Variants in CFAP299 observed in about 807,000 individuals in gnomAD.
CFAP299 encodes the protein cilia and flagella associated protein 299.
A neutral mutation model predicts 27.0 loss-of-function variants in CFAP299; 21 were observed. That is an observed-to-expected ratio of 0.78 (90% CI 0.55 to 1.12). CFAP299 has a LOEUF of 1.12. CFAP299 is among the 50% of genes most tolerant of loss of function. CFAP299 has a pLI of 0.00. For synonymous variants in CFAP299, 104 were observed against 98.1 expected, an observed-to-expected ratio of 1.06 and a Z score of -0.36; for missense variants, 310 against 276.6, an observed-to-expected ratio of 1.12 and a Z score of -0.86.
chr4:80,879,640 A>C (rs1476800956), intron 4 of CFAP299, among the ~76,000 whole-genome samples: 1 of 152,086 alleles, frequency 6.6e-6, no homozygotes, highest in East Asian at 1.9e-4. Flanking sequence ...ATTTTTATTT[A>C]TTTTTTACAT....
At chr4:80,817,373 T>C in intron 3 of CFAP299, among the ~76,000 whole-genome samples, 1 of 152,216 alleles carries the variant, frequency 6.6e-6, no homozygotes, top group Middle Eastern at 3.5e-3. Context: ...TGTATTAATA[T>C]TAACATATGA....
intron 2 of CFAP299, among the ~76,000 whole-genome samples, chr4:80,460,687 A>AT (rs1729393412): frequency 6.6e-6 from 1 of 152,154 alleles, no homozygotes; most frequent in South Asian, 2.1e-4. Context: ...AGCTAGTGTT[A>AT]TTGTAACCAA....
chr4:80,488,870 CA>C (rs1336099462), intron 2 of CFAP299, among the ~76,000 whole-genome samples: 2 of 151,452 alleles, frequency 1.3e-5, no homozygotes, highest in East Asian at 3.9e-4. Context: ...AGTTGGATGG[CA>C]AAAAAAACGT....
intron 3 of CFAP299, among the ~76,000 whole-genome samples, chr4:80,851,172 G>T (rs1468042277): frequency 6.6e-6 from 1 of 152,146 alleles, no homozygotes; most frequent in African/African-American, 2.4e-5. Context: ...AGTGGTAGTT[G>T]AAGTCACTGT....
intron 3 of CFAP299, among the ~76,000 whole-genome samples, chr4:80,621,163 A>T (rs1738584325): frequency 6.6e-6 from 1 of 151,832 alleles, no homozygotes; most frequent in African/African-American, 2.4e-5. Context: ...TTTTGGGGGG[A>T]TTCAGTTATA....
intron 2 of CFAP299, among the ~76,000 whole-genome samples, chr4:80,467,954 A>G (rs1050110002): frequency 2.0e-5 from 3 of 152,194 alleles, no homozygotes; most frequent in African/African-American, 7.2e-5. Flanking sequence ...AGGGAAAACT[A>G]TCCCCATAAT....
intron 3 of CFAP299, among the ~76,000 whole-genome samples, chr4:80,721,470 T>A (rs759181541): frequency 2.0e-5 from 3 of 152,190 alleles, no homozygotes; most frequent in Admixed American, 1.3e-4. Flanking sequence ...GCTTTGTGTG[T>A]CCTCATTTCC....
At chr4:80,428,242 T>C (rs926961336) in intron 2 of CFAP299, among the ~76,000 whole-genome samples, 51 of 152,194 alleles carry the variant, frequency 3.4e-4, no homozygotes, top group Non-Finnish European at 6.8e-4. Context: ...TGTCCTTTTG[T>C]TTCTAGTTTA....
chr4:80,418,755 AC>A (rs1485794970), intron 2 of CFAP299, among the ~76,000 whole-genome samples: 1 of 152,156 alleles, frequency 6.6e-6, no homozygotes, highest in East Asian at 1.9e-4. Flanking sequence ...ATTTGTCCGT[AC>A]GTATTGGGCT....
At chr4:80,542,854 C>A (rs1009244348) in intron 2 of CFAP299, among the ~76,000 whole-genome samples, 1 of 152,044 alleles carries the variant, frequency 6.6e-6, no homozygotes, top group Non-Finnish European at 1.5e-5. Context: ...GCATATTTGC[C>A]TATGGTGCCC....
At chr4:80,426,450 A>T (rs990367498) in intron 2 of CFAP299, among the ~76,000 whole-genome samples, 1 of 152,238 alleles carries the variant, frequency 6.6e-6, no homozygotes, top group African/African-American at 2.4e-5. Context: ...AGAAAAAAGT[A>T]AATCTACAAG....
At chr4:80,329,342 G>T in the CFAP299 span, among the ~76,000 whole-genome samples, 1 of 151,534 alleles carries the variant, frequency 6.6e-6, no homozygotes, top group African/African-American at 2.4e-5. Context: ...TACCAGTTCA[G>T]GTCCTCCTTC....
chr4:80,725,531 A>G (rs1723107541), intron 3 of CFAP299, among the ~76,000 whole-genome samples: 1 of 152,146 alleles, frequency 6.6e-6, no homozygotes, highest in South Asian at 2.1e-4. Context: ...GAATCTCACC[A>G]TGGGGGTATT....
chr4:80,634,834 G>GT (rs1739403756), intron 3 of CFAP299, among the ~76,000 whole-genome samples: 2 of 151,964 alleles, frequency 1.3e-5, no homozygotes, highest in East Asian at 1.9e-4. Context: ...AATTGAAGTC[G>GT]TATTAACTTT....
At chr4:80,488,253 G>A (rs1341656723) in intron 2 of CFAP299, among the ~76,000 whole-genome samples, 1 of 152,144 alleles carries the variant, frequency 6.6e-6, no homozygotes, top group African/African-American at 2.4e-5. Flanking sequence ...AGAATGGGGT[G>A]TGGAGGAATC....
At chr4:80,343,392 C>T (rs1289424829) in intron 1 of CFAP299, among the ~76,000 whole-genome samples, 1 of 152,212 alleles carries the variant, frequency 6.6e-6, no homozygotes, top group Non-Finnish European at 1.5e-5. Context: ...TGTCACATGG[C>T]ACTTACCCTA....
At chr4:80,821,891 AAC>A (rs3038531) in intron 3 of CFAP299, among the ~76,000 whole-genome samples, 146 of 148,318 alleles carry the variant, frequency 9.8e-4, no homozygotes, top group Admixed American at 1.7e-3. Context: ...CTCAGTACAC[AAC>A]ACACACACAC....
intron 3 of CFAP299, among the ~76,000 whole-genome samples, chr4:80,745,189 T>A (rs979189220): frequency 7.2e-5 from 11 of 152,314 alleles, no homozygotes; most frequent in African/African-American, 2.6e-4. Context: ...TCTCATTTCA[T>A]CCTAATCTCA....
chr4:80,430,631 T>G lies in CFAP299; in HGVS notation c.242+67747T>G, dbSNP rs551904503. Among the ~76,000 whole-genome samples, 70 of 152,290 alleles carry G rather than the reference T, an allele frequency of 4.6e-4. 1 individual carries two copies. The highest frequency in any genetic ancestry group is 1.6e-3 in the African/African-American group (68 of 41,556). The stretch of plus-strand genomic sequence containing the variant: ...TTAGTCTTCAATCAGATCTCTCCCC[T>G]AAACGCCGTTCTCATTATCAGTTTA... On this transcript the variant is annotated intron_variant, in intron 2 of 5. Transcript: ENST00000358105.
Sources: allele counts gnomAD v4.1 joint callset (sites outside exome capture counted in the v4.1 genomes callset), GRCh38; gene constraint gnomAD v4.1.1; transcripts MANE v1.5; gene names NCBI Gene and HGNC (gene_info 2026-07-23, HGNC 2026-07-21).